The following ACTR3C variants were observed in gnomAD, a reference collection of about 807,000 sequenced individuals.
The protein encoded by ACTR3C is actin related protein 3C.
Under a neutral mutation model 26.3 loss-of-function variants are expected in ACTR3C, and 18 were observed. The ratio of observed to expected loss-of-function variants is 0.68; its 90% CI spans 0.47 to 1.01. ACTR3C has a LOEUF of 1.01. Among genes scored for constraint, ACTR3C ranks in the 50% least tolerant of loss-of-function variants. The pLI is 0.00. For synonymous variants in ACTR3C, 55 were observed against 94.5 expected (o/e 0.58, Z 2.42); for missense variants, 184 against 250.7 (o/e 0.73, Z 1.80).
intron 6 of ACTR3C, among the ~76,000 whole-genome samples, chr7:150,260,903 CA>C (rs1833589580): frequency 6.6e-6 from 1 of 152,082 alleles, no homozygotes; most frequent in Non-Finnish European, 1.5e-5. Context: ...TGCAGTCTGA[CA>C]AACTTTGTAG....
the ACTR3C span, among the ~76,000 whole-genome samples, chr7:150,235,367 C>G: frequency 4.6e-5 from 7 of 152,318 alleles, no homozygotes; most frequent in Non-Finnish European, 7.4e-5. Flanking sequence ...TGCCCATTCC[C>G]AGACTCTCTC....
At chr7:149,954,444 A>G in the ACTR3C span, among the ~76,000 whole-genome samples, 2 of 152,178 alleles carry the variant, frequency 1.3e-5, no homozygotes, top group Non-Finnish European at 2.9e-5. Context: ...TTCTGCACAT[A>G]TTTGGGGGGA....
chr7:150,040,074 C>G, the ACTR3C span, among the ~76,000 whole-genome samples: 7 of 139,896 alleles, frequency 5.0e-5, no homozygotes, highest in South Asian at 2.1e-4. Flanking sequence ...CCCCCCACTG[C>G]GATGGGAGTC....
intron 5 of ACTR3C, among the ~76,000 whole-genome samples, chr7:150,285,458 A>T (rs1835700566): frequency 6.6e-6 from 1 of 152,250 alleles, no homozygotes. Flanking sequence ...TTTAAAAATC[A>T]AAGTAAGCTT....
chr7:150,190,181 A>G, the ACTR3C span, among the ~76,000 whole-genome samples: 1 of 152,178 alleles, frequency 6.6e-6, no homozygotes, highest in Non-Finnish European at 1.5e-5. Flanking sequence ...GAATCTTTGC[A>G]TGTGTTTGTT....
At chr7:150,228,621 G>A in the ACTR3C span, among the ~76,000 whole-genome samples, 1 of 152,164 alleles carries the variant, frequency 6.6e-6, no homozygotes, top group Admixed American at 6.5e-5. Flanking sequence ...AAGGAATACA[G>A]GTGGCCTCTA....
intron 6 of ACTR3C, among the ~76,000 whole-genome samples, chr7:150,277,554 T>G (rs1834978361): frequency 6.6e-6 from 1 of 152,092 alleles, no homozygotes; most frequent in Non-Finnish European, 1.5e-5. Context: ...CTGCAAAGCC[T>G]CCAACCTACA....
the ACTR3C span, among the ~76,000 whole-genome samples, chr7:150,003,473 GGTGT>G: frequency 6.6e-6 from 1 of 152,284 alleles, no homozygotes; most frequent in African/African-American, 2.4e-5. Context: ...TGTTGTGTGT[GGTGT>G]GTATGATGTG....
At chr7:149,921,052 G>A in the ACTR3C span, among the ~76,000 whole-genome samples, 2 of 152,018 alleles carry the variant, frequency 1.3e-5, no homozygotes, top group Non-Finnish European at 2.9e-5. Context: ...CACCGTGCCC[G>A]GCCTATCTTT....
the ACTR3C span, among the ~76,000 whole-genome samples, chr7:150,042,743 A>AG: frequency 1.3e-5 from 2 of 151,584 alleles, no homozygotes; most frequent in East Asian, 1.9e-4. Flanking sequence ...GCCCTCTAAT[A>AG]GGGGGGCCAT....
the ACTR3C span, among the ~76,000 whole-genome samples, chr7:149,917,814 T>G: frequency 6.6e-6 from 1 of 151,900 alleles, no homozygotes; most frequent in East Asian, 1.9e-4. Flanking sequence ...GTTCTCAAAC[T>G]GTGTCCTGTG....
At chr7:150,039,002 G>GGGT in the ACTR3C span, among the ~76,000 whole-genome samples, 1 of 67,816 alleles carries the variant, frequency 1.5e-5, no homozygotes, top group African/African-American at 4.9e-5. Flanking sequence ...TCAGAGCCGG[G>GGGT]GGGCGGGGAA....
chr7:150,280,408 G>A lies in ACTR3C; in HGVS notation c.564+4345C>T, dbSNP rs532609649. 9.9e-5 allele frequency among the ~76,000 whole-genome samples: 15 copies of A among 152,252 alleles called. No individual in the cohort carries two copies. In the South Asian group the frequency reaches 3.1e-3, roughly 32 times the overall value. ...CGGAAATAAAAATCGGACAGATGAT[G>A]GCTACTTTCATCTAAAAAAACTGTT... On this transcript the variant is annotated intron_variant, in intron 6 of 7. Coordinates refer to ENST00000683684, the MANE Select transcript of ACTR3C (RefSeq NM_001164458.2).
chr7:149,999,133 G>C, the ACTR3C span, among the ~76,000 whole-genome samples: 2 of 150,712 alleles, frequency 1.3e-5, no homozygotes, highest in Non-Finnish European at 2.9e-5. Context: ...CTGCTACCCA[G>C]ACCCTGTGGG....
the ACTR3C span, among the ~76,000 whole-genome samples, chr7:150,083,218 T>A: frequency 6.6e-6 from 1 of 151,464 alleles, no homozygotes; most frequent in Non-Finnish European, 1.5e-5. Context: ...AGTGCTGGGA[T>A]TATAAGTGTG....
the ACTR3C span, among the ~76,000 whole-genome samples, chr7:150,034,628 C>T: frequency 6.6e-5 from 10 of 151,696 alleles, 1 homozygote; most frequent in Admixed American, 1.3e-4. Context: ...TTTCTGTTCC[C>T]GAGCTGCCTT....
the ACTR3C span, among the ~76,000 whole-genome samples, chr7:150,038,503 A>C: frequency 7.0e-6 from 1 of 143,794 alleles, no homozygotes; most frequent in Admixed American, 6.7e-5. Context: ...AGGCTTGGCT[A>C]ATACTGCAGT....
At chr7:150,202,614 T>C in the ACTR3C span, among the ~76,000 whole-genome samples, 1 of 152,248 alleles carries the variant, frequency 6.6e-6, no homozygotes, top group East Asian at 1.9e-4. Context: ...TGAGCATGTT[T>C]AATGGCAAGG....
rs1836642397 is a variant in ACTR3C at position 150,295,257 on chromosome 7, C to A, written c.40G>T (p.Val14Phe). Reference sequence around the variant, plus strand: ...ACAAACATAACTGGTTTTACCTGAACTGCAATGTAGAGTCCTGGAACGTTA... The same window carrying A: ...ACAAACATAACTGGTTTTACCTGAAATGCAATGTAGAGTCCTGGAACGTTA... ...SFNVPGLYIA[V>F]QAVLALAASW... Residue 14 changes from valine (V) to phenylalanine (F), a missense_variant, in exon 2 of 8, where the codon GTT (valine) becomes TTT (phenylalanine). Val to Phe is a conservative substitution (Grantham distance 50, BLOSUM62 -1). Transcript: ENST00000683684. 1 of 1,613,946 alleles carries A rather than the reference C, an allele frequency of 6.2e-7. No individual in the cohort carries two copies. Among genetic ancestry groups the A allele is most frequent in the Non-Finnish European group, 8.5e-7 (1 of 1,179,842 alleles).
Sources: gnomAD v4.1 joint callset for allele counts (sites outside exome capture counted in the v4.1 genomes callset) on GRCh38, gnomAD v4.1.1 for gene constraint, MANE v1.5 for transcripts, NCBI Gene and HGNC (gene_info 2026-07-23, HGNC 2026-07-21) for gene names.